Variants in PRKCZ observed in about 807,000 individuals in gnomAD.
PRKCZ encodes the protein protein kinase C zeta type.
Under a neutral mutation model 79.5 loss-of-function variants are expected in PRKCZ, and 33 were observed. The observed-to-expected ratio is 0.41, with a 90% CI of 0.31 to 0.55. The LOEUF is 0.55. Ranked by LOEUF, PRKCZ falls within the 20% of genes least tolerant of loss-of-function variation. PRKCZ has a pLI of 0.19. For synonymous variants in PRKCZ, 342 were observed against 320.9 expected (o/e 1.07, Z -0.70); for missense variants, 578 against 813.5 (o/e 0.71, Z 3.52).
At chr1:2,137,521 C>T (rs1019886239) in intron 5 of PRKCZ, among the ~76,000 whole-genome samples, 9 of 152,236 alleles carry the variant, frequency 5.9e-5, no homozygotes, top group Non-Finnish European at 1.0e-4. Flanking sequence ...CCACTGGTAG[C>T]TGCGGGCAGC....
intron 4 of PRKCZ, among the ~76,000 whole-genome samples, chr1:2,110,536 G>A (rs974067137): frequency 3.9e-5 from 6 of 152,140 alleles, no homozygotes; most frequent in African/African-American, 1.2e-4. Flanking sequence ...GAGTCCACTG[G>A]GCCCGAAGAG....
chr1:2,089,088 G>C (rs1665033657), intron 4 of PRKCZ, among the ~76,000 whole-genome samples: 1 of 152,326 alleles, frequency 6.6e-6, no homozygotes, highest in Non-Finnish European at 1.5e-5. Flanking sequence ...TGCCAGTTCT[G>C]TTCCGGGCTC....
chr1:2,137,864 G>A (rs1411226007), intron 5 of PRKCZ, among the ~76,000 whole-genome samples: 2 of 152,204 alleles, frequency 1.3e-5, no homozygotes, highest in East Asian at 1.9e-4. Context: ...CCGCTCTGCT[G>A]TGGAGGTACA....
At chr1:2,092,834 G>C (rs1163349890) in intron 4 of PRKCZ, among the ~76,000 whole-genome samples, 2 of 152,228 alleles carry the variant, frequency 1.3e-5, no homozygotes, top group Non-Finnish European at 2.9e-5. Context: ...CCCCTGCAGG[G>C]CTGGAGGACA....
intron 4 of PRKCZ, among the ~76,000 whole-genome samples, chr1:2,081,026 C>T (rs1663404146): frequency 6.6e-6 from 1 of 152,194 alleles, no homozygotes; most frequent in Non-Finnish European, 1.5e-5. Context: ...TTGCGTGTCA[C>T]CTGGCCGCGG....
chr1:2,074,359 C>G, intron 4 of PRKCZ: 8 of 1,523,910 alleles, frequency 5.2e-6, no homozygotes, highest in Non-Finnish European at 7.1e-6. Flanking sequence ...GTCTTGGGCT[C>G]GTCTGCCTGC....
rs1299974227 is a variant in PRKCZ at position 2,144,252 on chromosome 1, G to A, written c.463G>A (p.Ala155Thr). The change falls in exon 6 of 18, where the codon GCG becomes ACG. Residue 155 changes from alanine (A) to threonine (T), a missense_variant. This residue lies in a region of PRKCZ where 16 missense variants were observed against 37.4 expected (regional missense o/e 0.43). Transcript: ENST00000378567. ...GQCSERIWGL[A>T]RQGYRCINCK... ...GTGCAGCGAGAGGATATGGGGCCTC[G>A]CGAGGCAAGGCTACAGGTGCATCAA... The A allele has an allele frequency of 1.8e-5, 28 of 1,555,702 alleles. No individual in the cohort carries two copies. The highest frequency in any genetic ancestry group is 2.4e-5 in the Non-Finnish European group (27 of 1,148,774).
At chr1:2,132,666 C>T (rs967688995) in intron 4 of PRKCZ, among the ~76,000 whole-genome samples, 2 of 152,224 alleles carry the variant, frequency 1.3e-5, no homozygotes, top group Admixed American at 1.3e-4. Context: ...ATGGATTTTT[C>T]AGTCCAGCAT....
Position 2,165,847 on chromosome 1 carries a change from G to T in PRKCZ, c.975-3671G>T, listed in dbSNP as rs566614837. On this transcript the variant is annotated intron_variant, in intron 10 of 17. Coordinates refer to ENST00000378567, the MANE Select transcript of PRKCZ (RefSeq NM_002744.6). This position sits in a 1 kb window ranked among gnomAD's most constrained non-coding sequence, Gnocchi z 4.1. ...AGGGGTGGGGGGAGTGGCGAGGAGG[G>T]GGCGGCACCAAGGACAGGGCCCACC... Among the ~76,000 whole-genome samples the T allele has an allele frequency of 2.5e-3, 376 of 152,260 alleles. 3 individuals are homozygous for T. The highest frequency in any genetic ancestry group is 4.1e-3 in the South Asian group (20 of 4,826).
chr1:2,071,032 C>T (rs1267372080), intron 4 of PRKCZ, among the ~76,000 whole-genome samples: 1 of 118,070 alleles, frequency 8.5e-6, no homozygotes, highest in Admixed American at 7.8e-5. Context: ...ATGGAGTCGC[C>T]TGCTGGGAGC....
At chr1:2,120,298 T>A (rs1200678163) in intron 4 of PRKCZ, among the ~76,000 whole-genome samples, 5 of 121,962 alleles carry the variant, frequency 4.1e-5, no homozygotes, top group African/African-American at 1.6e-4. Context: ...TTTTCGTTTT[T>A]TTTTTTTTTT....
intron 4 of PRKCZ, among the ~76,000 whole-genome samples, chr1:2,087,821 G>C (rs772908617): frequency 6.6e-6 from 1 of 152,152 alleles, no homozygotes; most frequent in African/African-American, 2.4e-5. Flanking sequence ...AGGAGTCCCC[G>C]GAGGCCCCTG....
intron 10 of PRKCZ, among the ~76,000 whole-genome samples, chr1:2,157,253 C>G (rs1681245579): frequency 6.6e-6 from 1 of 152,184 alleles, no homozygotes; most frequent in South Asian, 2.1e-4. Flanking sequence ...CCAGAAGCCC[C>G]CTCAACAGGC....
chr1:2,086,722 G>T (rs1664593997), intron 4 of PRKCZ, among the ~76,000 whole-genome samples: 1 of 152,234 alleles, frequency 6.6e-6, no homozygotes, highest in African/African-American at 2.4e-5. Context: ...GATTCGATGT[G>T]CAGTTCCCGC....
At chr1:2,160,581 GAGGCCCCAGGGATTCTCAGTGC>G (rs1299591365) in intron 10 of PRKCZ, among the ~76,000 whole-genome samples, 1 of 152,208 alleles carries the variant, frequency 6.6e-6, no homozygotes, top group Non-Finnish European at 1.5e-5. Context: ...CTGGGATGCG[GAGGCCCCAGGGATTCTCAGTGC>G]AGTGCTGGTG....
At chr1:2,124,750 G>C (rs543337548) in intron 4 of PRKCZ, among the ~76,000 whole-genome samples, 1 of 152,072 alleles carries the variant, frequency 6.6e-6, no homozygotes, top group Non-Finnish European at 1.5e-5. Context: ...TGCCTGGCCC[G>C]GCTTTCTGTG....
Position 2,185,108 on chromosome 1 carries a change from G to T in PRKCZ, c.*99G>T. On this transcript the variant is annotated 3_prime_UTR_variant, in exon 18 of 18. Coordinates refer to ENST00000378567, the MANE Select transcript of PRKCZ (RefSeq NM_002744.6). ...CCAGGCTGGGCACGGCTCCGAGGGC[G>T]GCCAGGGACAGACGCTTGCGCCGAG... The T allele has an allele frequency of 8.3e-7, 1 of 1,203,484 alleles. No homozygotes were observed. Among genetic ancestry groups the T allele is most frequent in the South Asian group, 1.3e-5 (1 of 74,398 alleles). 74.6% of individuals were successfully genotyped at this position (1,203,484 alleles called of 1,614,324 possible). A position where few individuals can be genotyped will look rare whatever the true frequency, so the allele number is the denominator to read the frequency against.
chr1:2,155,770 G>A (rs890272377), intron 9 of PRKCZ, among the ~76,000 whole-genome samples: 1 of 152,004 alleles, frequency 6.6e-6, no homozygotes, highest in Non-Finnish European at 1.5e-5. Context: ...GTGTGACGGT[G>A]GTGATGATGA....
Position 2,185,162 on chromosome 1 carries a change from G to A in PRKCZ, c.*153G>A, listed in dbSNP as rs1025731606. 7.8e-6 allele frequency: 6 copies of A among 772,074 alleles called. No individual in the cohort carries two copies. The highest frequency in any genetic ancestry group is 6.2e-5 in the Admixed American group (3 of 48,206). The allele number at this position is 772,074 out of a possible 1,614,324, so 47.8% of individuals were successfully genotyped here. Reference sequence around the variant, plus strand: ...GCAGAGGGAAGCGTCAGCGGGCGCTGCTGGGAGCAGAACAGTCCCTCACAC... The same window carrying A: ...GCAGAGGGAAGCGTCAGCGGGCGCTACTGGGAGCAGAACAGTCCCTCACAC... On this transcript the variant is annotated 3_prime_UTR_variant, in exon 18 of 18. Transcript: ENST00000378567.
Sources: gnomAD v4.1 joint callset for allele counts (sites outside exome capture counted in the v4.1 genomes callset) on GRCh38, gnomAD v4.1.1 for gene constraint, gnomAD v4.1.1 regional missense constraint, Gnocchi (gnomAD v3.1) non-coding constraint, MANE v1.5 for transcripts, NCBI Gene and HGNC (gene_info 2026-07-23, HGNC 2026-07-21) for gene names.